The following FKBP8 variants were observed in gnomAD, a reference collection of about 807,000 sequenced individuals.
The protein encoded by FKBP8 is peptidyl-prolyl cis-trans isomerase FKBP8.
FKBP8 carries 5 observed loss-of-function variants against 41.7 expected under a neutral mutation model. The observed-to-expected ratio is 0.12, with a 90% CI of 0.06 to 0.25. FKBP8 has a LOEUF of 0.25. FKBP8 is among the 10% of genes least tolerant of loss of function. FKBP8 has a pLI of 1.00. For synonymous variants in FKBP8, 279 were observed against 254.5 expected, an observed-to-expected ratio of 1.10 and a Z score of -0.92; for missense variants, 397 against 563.0, an observed-to-expected ratio of 0.71 and a Z score of 2.98.
At chr19:18,542,757 A>G (rs548384463) in intron 1 of FKBP8, 1 of 503,020 alleles carries the variant, frequency 2.0e-6, no homozygotes, top group Non-Finnish European at 3.4e-6. Flanking sequence ...GTCCCACCAC[A>G]TTCTACAGCC....
intron 1 of FKBP8, chr19:18,542,959 C>T (rs1329573395): frequency 8.2e-7 from 1 of 1,221,068 alleles, no homozygotes; most frequent in South Asian, 1.3e-5. Flanking sequence ...TAATTCCCCG[C>T]GCCCGCACAA....
At chr19:18,543,126 C>T (rs1464658493) in intron 1 of FKBP8, 7 of 280,462 alleles carry the variant, frequency 2.5e-5, no homozygotes, top group Non-Finnish European at 4.9e-5. Context: ...TGACGCCCCA[C>T]AGCCCCGGCC....
chr19:18,538,021 T>C lies in FKBP8; in HGVS notation c.772+195A>G, dbSNP rs961891291. On this transcript the variant is annotated intron_variant, in intron 5 of 8. Transcript: ENST00000608443. The surrounding 1 kb of genome is among the most constrained non-coding windows in gnomAD (Gnocchi z 4.0). Reference sequence around the variant, plus strand: ...CACCCCATCCCCATATCCACTTGCATTCTACAACACTCCACTGGTCTGGGA... The same window carrying C: ...CACCCCATCCCCATATCCACTTGCACTCTACAACACTCCACTGGTCTGGGA... 2.9e-6 allele frequency: 2 copies of C among 696,750 alleles called. No homozygotes were observed. The highest frequency in any genetic ancestry group is 2.9e-5 in the Admixed American group (1 of 34,074). The allele number at this position is 696,750 out of a possible 1,614,324, so 43.2% of individuals were successfully genotyped here. A position where few individuals can be genotyped will look rare whatever the true frequency, so the allele number is the denominator to read the frequency against.
chr19:18,534,728 T>C (rs1032993094), intron 6 of FKBP8, among the ~76,000 whole-genome samples: 9 of 150,746 alleles, frequency 6.0e-5, no homozygotes, highest in Admixed American at 5.3e-4. Context: ...ACTACAGGCG[T>C]GTACTACCAT....
Position 18,533,257 on chromosome 19 carries a change from C to A in FKBP8, c.1023+13G>T. 6.3e-7 allele frequency: 1 copy of A among 1,576,746 alleles called. No homozygotes were observed. Among genetic ancestry groups the A allele is most frequent in the East Asian group, 2.3e-5 (1 of 43,688 alleles). The stretch of plus-strand genomic sequence containing the variant: ...CAGCCGAGCAAGTCCCAGGGCACCC[C>A]TGTCCTGCTCACCTTGTTGGAAGGT... On this transcript the variant is annotated intron_variant, in intron 7 of 8. Coordinates refer to ENST00000608443, the MANE Select transcript of FKBP8 (RefSeq NM_012181.5).
chr19:18,536,087 C>T (rs8104320), intron 6 of FKBP8: 7,771 of 152,136 alleles, frequency 0.051, 658 homozygotes, highest in African/African-American at 0.18. Flanking sequence ...ACAGGAACTG[C>T]ATCTTCTCCC....
At position 18,538,914 on chromosome 19, in the gene FKBP8, A is replaced by G. The variant is rs918127113; in HGVS notation, c.551+457T>C. On this transcript the variant is annotated intron_variant, in intron 4 of 8. Transcript: ENST00000608443. This position sits in a 1 kb window ranked among gnomAD's most constrained non-coding sequence, Gnocchi z 4.0. ...ACTGCAAGCTCCGCCTCCCGGGTTCACGCCATTTTCCTGCCTCAACCTCCA... is the reference window on the plus strand; with the variant it reads ...ACTGCAAGCTCCGCCTCCCGGGTTCGCGCCATTTTCCTGCCTCAACCTCCA... Among the ~76,000 whole-genome samples, 2 of 144,382 alleles carry G rather than the reference A, an allele frequency of 1.4e-5. No homozygotes were observed. Among genetic ancestry groups the G allele is most frequent in the African/African-American group, 5.2e-5 (2 of 38,540 alleles). The allele number at this position is 144,382 out of a possible 152,430, so 94.7% of individuals were successfully genotyped here.
In FKBP8 at chr19:18,538,460, G is replaced by A; in HGVS notation, c.552-24C>T. 6.3e-7 allele frequency: 1 copy of A among 1,599,866 alleles called. No homozygotes were observed. The highest frequency in any genetic ancestry group is 8.5e-7 in the Non-Finnish European group (1 of 1,173,708). ...TGCTAGTTGGGTGGGAGCAGGCAGG[G>A]GCAGCACTCAGACCTGGTGACCCCT... On this transcript the variant is annotated intron_variant, in intron 4 of 8. Coordinates refer to ENST00000608443, the MANE Select transcript of FKBP8 (RefSeq NM_012181.5). This position sits in a 1 kb window ranked among gnomAD's most constrained non-coding sequence, Gnocchi z 4.0.
Position 18,533,364 on chromosome 19 carries a change from G to A in FKBP8, c.946-17C>T. On this transcript the variant is annotated splice_polypyrimidine_tract_variant and intron_variant, in intron 6 of 8. Coordinates refer to ENST00000608443, the MANE Select transcript of FKBP8 (RefSeq NM_012181.5). The stretch of plus-strand genomic sequence containing the variant: ...GGCCAGCACCTGTAAGGGGAAGGGG[G>A]TGGCATCACTCTGGACCCATACCTG... 1 of 1,592,520 alleles carries A rather than the reference G, an allele frequency of 6.3e-7. No homozygotes were observed. Among genetic ancestry groups the A allele is most frequent in the East Asian group, 2.3e-5 (1 of 44,362 alleles).
intron 6 of FKBP8, among the ~76,000 whole-genome samples, chr19:18,534,443 A>G (rs1186417700): frequency 6.6e-6 from 1 of 152,150 alleles, no homozygotes; most frequent in Non-Finnish European, 1.5e-5. Context: ...ATCAGTGCAC[A>G]CTTAGCTTGG....
At chr19:18,534,241 C>A (rs1482121768) in intron 6 of FKBP8, among the ~76,000 whole-genome samples, 12 of 144,798 alleles carry the variant, frequency 8.3e-5, no homozygotes, top group Non-Finnish European at 1.5e-4. Flanking sequence ...CAGGAGGCAG[C>A]ACTTGCAGTG....
chr19:18,532,520 G>A, intron 8 of FKBP8, 144 bp downstream of exon 8: 1 of 1,289,886 alleles, frequency 7.8e-7, no homozygotes, highest in Middle Eastern at 2.0e-4. Context: ...CTCCACTCAT[G>A]ATCACACAGG....
rs149127944 is a variant in FKBP8, at chr19:18,531,928, C to T, written c.*241G>A. ...CAGCCCTGGCGGAGACCTAGCCCAG[C>T]GGGGTAAGGAGGGTGGGGGAAAACT... On this transcript the variant is annotated 3_prime_UTR_variant, in exon 9 of 9. Coordinates refer to ENST00000608443, the MANE Select transcript of FKBP8 (RefSeq NM_012181.5). 12 of 528,726 alleles carry T rather than the reference C, an allele frequency of 2.3e-5. No homozygotes were observed. Among genetic ancestry groups the T allele is most frequent in the Non-Finnish European group, 3.4e-5 (10 of 292,476 alleles). 32.8% of individuals were successfully genotyped at this position (528,726 alleles called of 1,614,324 possible).
Position 18,532,072 on chromosome 19 carries a change from C to G in FKBP8, c.*97G>C. The G allele has an allele frequency of 1.8e-6, 2 of 1,103,494 alleles. No homozygotes were observed. Among genetic ancestry groups the G allele is most frequent in the Non-Finnish European group, 2.7e-6 (2 of 745,252 alleles). The allele number at this position is 1,103,494 out of a possible 1,614,324, so 68.4% of individuals were successfully genotyped here. A position where few individuals can be genotyped will look rare whatever the true frequency, so the allele number is the denominator to read the frequency against. ...TGCTCCCCTAACCCGGAGGAGGGGGCCAGACCAGGGAGGGCAGTGGACAGG... is the reference window on the plus strand; with the variant it reads ...TGCTCCCCTAACCCGGAGGAGGGGGGCAGACCAGGGAGGGCAGTGGACAGG... On this transcript the variant is annotated 3_prime_UTR_variant, in exon 9 of 9. Transcript: ENST00000608443.
intron 1 of FKBP8, chr19:18,542,298 A>G: frequency 3.3e-6 from 1 of 305,284 alleles, no homozygotes; most frequent in Non-Finnish European, 6.1e-6. Flanking sequence ...CAGAACAGGA[A>G]ACAGGCCAGA....
chr19:18,540,032 C>G (rs920998351), intron 2 of FKBP8, among the ~76,000 whole-genome samples: 1 of 151,732 alleles, frequency 6.6e-6, no homozygotes, highest in East Asian at 1.9e-4. Flanking sequence ...TGAGACTTGC[C>G]GAGTTTCCAT....
Position 18,539,439 on chromosome 19 carries a change from T to A in FKBP8, c.483A>T (p.Pro161=). The A allele has an allele frequency of 5.6e-6, 9 of 1,613,750 alleles. No homozygotes were observed. Among genetic ancestry groups the A allele is most frequent in the Non-Finnish European group, 7.6e-6 (9 of 1,179,964 alleles). ...DVIQALDLSV[P]LMDVGETAMV... ...TGGCCGTCTCCCCCACGTCCATGAG[T>A]GGGACACTGAGATCCAGGGCCTGGG... Residue 161 remains proline, a synonymous_variant, in exon 4 of 9, where the codon CCA becomes CCT. Coordinates refer to ENST00000608443, the MANE Select transcript of FKBP8 (RefSeq NM_012181.5).
chr19:18,534,576 TG>T (rs142994660), intron 6 of FKBP8, among the ~76,000 whole-genome samples: 5,649 of 151,276 alleles, frequency 0.037, 112 homozygotes, highest in Middle Eastern at 0.068. Context: ...CAGAGGTTGT[TG>T]TTTTTTTTTT....
intron 6 of FKBP8, among the ~76,000 whole-genome samples, chr19:18,533,695 C>T (rs1377214306): frequency 6.6e-6 from 1 of 150,768 alleles, no homozygotes; most frequent in East Asian, 1.9e-4. Flanking sequence ...CAGAGTGCAA[C>T]CCTGTCTTAA....
Sources: gnomAD v4.1 joint callset for allele counts (sites outside exome capture counted in the v4.1 genomes callset) on GRCh38, gnomAD v4.1.1 for gene constraint, Gnocchi (gnomAD v3.1) non-coding constraint, MANE v1.5 for transcripts, NCBI Gene and HGNC (gene_info 2026-07-23, HGNC 2026-07-21) for gene names.